Variants in TERT observed in about 807,000 individuals in gnomAD.
TERT encodes telomerase catalytic subunit.
In TERT, 42 loss-of-function variants were observed where a neutral mutation model predicts 104.0. The observed-to-expected ratio is 0.40, with a 90% CI of 0.32 to 0.52. The LOEUF (loss-of-function observed/expected upper bound fraction) is 0.52, where lower values mean the gene tolerates loss of function less well. TERT is among the 20% of genes least tolerant of loss of function. The pLI is 0.43. For synonymous variants in TERT, 781 were observed against 725.6 expected, an observed-to-expected ratio of 1.08 and a Z score of -1.23; for missense variants, 1,101 against 1,610.3, an observed-to-expected ratio of 0.68 and a Z score of 5.41.
At chr5:1,279,570 C>T (rs1362769217) in intron 4 of TERT, 100 bp from the exon 5 acceptor site, 3 of 1,209,942 alleles carry the variant, frequency 2.5e-6, no homozygotes, top group Admixed American at 2.0e-5. Flanking sequence ...CCCCAGTGTC[C>T]CCAGCCACCC....
chr5:1,277,968 GC>G (rs953658182), intron 6 of TERT, among the ~76,000 whole-genome samples: 5 of 152,186 alleles, frequency 3.3e-5, no homozygotes, highest in African/African-American at 1.2e-4. Context: ...GAGCCCCAAG[GC>G]CCCCGGCCGC....
chr5:1,271,062 G>T, intron 8 of TERT, 57 bp downstream of exon 8: 2 of 1,393,092 alleles, frequency 1.4e-6, no homozygotes, highest in Non-Finnish European at 2.0e-6. Flanking sequence ...GTGAGCAGAA[G>T]CCCTGCCAGC....
intron 6 of TERT, among the ~76,000 whole-genome samples, chr5:1,277,290 C>T (rs1263526919): frequency 6.6e-6 from 1 of 152,234 alleles, no homozygotes; most frequent in Non-Finnish European, 1.5e-5. Flanking sequence ...CCCTGGAATT[C>T]ACCCAGAGGC....
chr5:1,265,828 G>A lies in TERT; in HGVS notation c.2654+636C>T, dbSNP rs1748555304. Among the ~76,000 whole-genome samples the A allele has an allele frequency of 6.6e-6, 1 of 152,126 alleles. No individual in the cohort carries two copies. The highest frequency in any genetic ancestry group is 2.4e-5 in the African/African-American group (1 of 41,408). On this transcript the variant is annotated intron_variant, in intron 10 of 15. Transcript: ENST00000310581. The surrounding 1 kb of genome is among the most constrained non-coding windows in gnomAD (Gnocchi z 6.9). The stretch of plus-strand genomic sequence containing the variant: ...TTTAAAACAAGCCCACCGGCTCTGT[G>A]GGGCGCCCTTGAGGGGGACCACATT...
Position 1,266,474 on chromosome 5 carries a change from T to A in TERT, c.2644A>T (p.Thr882Ser), listed in dbSNP as rs1263276346. ...LVTPHLTHAK[T>S]FLRTLVRGVP... ...CGGCACGGGCCTCACCTGAGGAAGG[T>A]TTTCGCGTGGGTGAGGTGAGGTGTC... is the stretch of plus-strand genomic sequence containing the variant. The change falls in exon 10 of 16, where the codon ACC becomes TCC. Residue 882 changes from threonine (T) to serine (S), a missense_variant. Physicochemically the swap from Thr to Ser is moderately conservative, Grantham distance 58. Around this residue, in one of 5 missense-constraint regions of TERT, gnomAD observed 463 missense variants for 797.5 expected, o/e 0.58. Coordinates refer to ENST00000310581, the MANE Select transcript of TERT (RefSeq NM_198253.3). 1.2e-6 allele frequency: 2 copies of A among 1,608,450 alleles called. No individual in the cohort carries two copies. Among genetic ancestry groups the A allele is most frequent in the African/African-American group, 2.7e-5 (2 of 74,774 alleles).
intron 10 of TERT, 50 bp from the exon 11 acceptor site, chr5:1,264,642 G>A (rs773931981): frequency 1.9e-6 from 3 of 1,598,500 alleles, no homozygotes; most frequent in African/African-American, 2.7e-5. Context: ...CGTCACCCAG[G>A]AGGTAACCTG....
chr5:1,275,722 A>G (rs1032920215), intron 6 of TERT, among the ~76,000 whole-genome samples: 2 of 132,970 alleles, frequency 1.5e-5, no homozygotes, highest in African/African-American at 5.8e-5. Context: ...ATAAAAACCA[A>G]TCCCACAGAT....
rs776894859 is a variant in TERT, at chr5:1,268,482, C to T, written c.2582+38G>A. 3.9e-6 allele frequency: 6 copies of T among 1,537,166 alleles called. No homozygotes were observed. The highest frequency in any genetic ancestry group is 2.3e-5 in the South Asian group (2 of 88,338). On this transcript the variant is annotated intron_variant, in intron 9 of 15. Coordinates refer to ENST00000310581, the MANE Select transcript of TERT (RefSeq NM_198253.3). This position sits in a 1 kb window ranked among gnomAD's most constrained non-coding sequence, Gnocchi z 5.5. ...ACTGAATGCATCAAAAGCAAATCAACCCCCACCCAAGCCCCCCTGGGGAAG... is the reference window on the plus strand; with the variant it reads ...ACTGAATGCATCAAAAGCAAATCAATCCCCACCCAAGCCCCCCTGGGGAAG...
Position 1,293,606 on chromosome 5 carries a change from G to T in TERT, c.1280C>A (p.Ala427Asp). ...AAVTPAAGVC[A>D]REKPQGSVAA... is the part of the protein sequence containing the mutation. ...CACAGAGCCCTGGGGCTTCTCCCGG[G>T]CACAGACACCGGCTGCTGGGGTGAC... The change falls in exon 2 of 16, where the codon GCC becomes GAC. Residue 427 changes from alanine (A) to aspartate (D), a missense_variant. This residue lies in a region of TERT where 504 missense variants were observed against 544.6 expected (regional missense o/e 0.93). Transcript: ENST00000310581. 6.5e-7 allele frequency: 1 copy of T among 1,548,972 alleles called. No individual in the cohort carries two copies. The highest frequency in any genetic ancestry group is 8.7e-7 in the Non-Finnish European group (1 of 1,145,586).
intron 3 of TERT, among the ~76,000 whole-genome samples, 177 bp from the exon 4 acceptor site, chr5:1,280,515 C>A (rs868169015): frequency 2.0e-5 from 3 of 152,202 alleles, no homozygotes; most frequent in Non-Finnish European, 1.5e-5. Context: ...CCTCTGAGAG[C>A]CCCTCTACTT....
At position 1,294,268 on chromosome 5, in the gene TERT, G is replaced by A. The variant is rs759142412; in HGVS notation, c.618C>T (p.Ser206=). The stretch of plus-strand genomic sequence containing the variant: ...CCAGGGGGACCCCGGCCTCCCTGAC[G>A]CTATGGTTCCAGGCCCGTTCGCATC... ...RLGCERAWNH[S]VREAGVPLGL... The change falls in exon 2 of 16, where the codon AGC becomes AGT. Residue 206 remains serine (S), a synonymous_variant. Coordinates refer to ENST00000310581, the MANE Select transcript of TERT (RefSeq NM_198253.3). The A allele has an allele frequency of 2.6e-5, 41 of 1,593,116 alleles. No homozygotes were observed. The Admixed American group carries it at 6.6e-4, about 26-fold the overall frequency.
chr5:1,289,281 G>A (rs1750703256), intron 2 of TERT, among the ~76,000 whole-genome samples: 1 of 143,966 alleles, frequency 6.9e-6, no homozygotes. Context: ...ACCTGAGAGG[G>A]ACACCCAGGG....
In TERT at chr5:1,287,237, A is replaced by T. The variant is rs1329799081; in HGVS notation, c.1574-4613T>A. Among the ~76,000 whole-genome samples the T allele has an allele frequency of 6.6e-6, 1 of 152,154 alleles. No homozygotes were observed. The highest frequency in any genetic ancestry group is 1.5e-5 in the Non-Finnish European group (1 of 68,022). Reference sequence around the variant, plus strand: ...AAAATTAGGCCAGACATGGTGGCTCATGCCTGTAATTCAGCACTTTGGGAA... The same window carrying T: ...AAAATTAGGCCAGACATGGTGGCTCTTGCCTGTAATTCAGCACTTTGGGAA... On this transcript the variant is annotated intron_variant, in intron 2 of 15. Coordinates refer to ENST00000310581, the MANE Select transcript of TERT (RefSeq NM_198253.3). The surrounding 1 kb of genome is among the most constrained non-coding windows in gnomAD (Gnocchi z 4.3).
chr5:1,289,330 G>C (rs1249668366), intron 2 of TERT, among the ~76,000 whole-genome samples: 1 of 144,546 alleles, frequency 6.9e-6, no homozygotes, highest in African/African-American at 2.6e-5. Flanking sequence ...AGAGACACCC[G>C]GGGACAGTGC....
At position 1,253,719 on chromosome 5, in the gene TERT, G is replaced by A. The variant is rs374834138; in HGVS notation, c.*9C>T. 2.5e-5 allele frequency: 40 copies of A among 1,604,810 alleles called. No individual in the cohort carries two copies. The East Asian group carries it at 2.7e-4, about 11-fold the overall frequency. ...GTCTGCTCTCGGCCTGGCTGTGGGCGGGTGGCCATCAGTCCAGGATGGTCT... is the reference window on the plus strand; with the variant it reads ...GTCTGCTCTCGGCCTGGCTGTGGGCAGGTGGCCATCAGTCCAGGATGGTCT... On this transcript the variant is annotated 3_prime_UTR_variant, in exon 16 of 16. Coordinates refer to ENST00000310581, the MANE Select transcript of TERT (RefSeq NM_198253.3).
Position 1,264,611 on chromosome 5 carries a change from G to C in TERT, c.2655-19C>G. The C allele has an allele frequency of 6.2e-7, 1 of 1,613,394 alleles. No homozygotes were observed. Among genetic ancestry groups the C allele is most frequent in the Non-Finnish European group, 8.5e-7 (1 of 1,179,876 alleles). ...CAGGGTCCTAAGGCAGAGGGGCAAT[G>C]TCAGCCCCAGGATGCGGGGCCGTCA... On this transcript the variant is annotated intron_variant, in intron 10 of 15. Transcript: ENST00000310581.
intron 9 of TERT, among the ~76,000 whole-genome samples, chr5:1,267,840 G>A (rs1047039801): frequency 6.6e-6 from 1 of 152,164 alleles, no homozygotes; most frequent in African/African-American, 2.4e-5. Context: ...GTCATGGGAT[G>A]GGGGGAGTGG....
intron 2 of TERT, 167 bp from the exon 3 acceptor site, chr5:1,282,791 G>A (rs1750126200): frequency 2.8e-6 from 2 of 714,260 alleles, no homozygotes; most frequent in South Asian, 1.5e-5. Context: ...AGGGCCTGGC[G>A]ACCTCACCCT....
Position 1,279,332 on chromosome 5 carries a change from C to T in TERT, c.2089G>A (p.Val697Met). The T allele has an allele frequency of 2.5e-6, 4 of 1,585,730 alleles. No homozygotes were observed. Among genetic ancestry groups the T allele is most frequent in the African/African-American group, 1.3e-5 (1 of 74,454 alleles). Residue 697 changes from valine to methionine, a missense_variant, in exon 5 of 16, where the codon GTG (valine) becomes ATG (methionine). Val to Met is a conservative substitution (Grantham distance 21). Transcript: ENST00000310581. ...HRAWRTFVLR[V>M]RAQDPPPELY... Reference sequence around the variant, plus strand: ...TCAGGCGGCGGGTCCTGGGCCCGCACACGCAGCACGAAGGTGCGCCAGGCC... The same window carrying T: ...TCAGGCGGCGGGTCCTGGGCCCGCATACGCAGCACGAAGGTGCGCCAGGCC...
Sources: allele counts gnomAD v4.1 joint callset (sites outside exome capture counted in the v4.1 genomes callset), GRCh38; gene constraint gnomAD v4.1.1; regional missense constraint gnomAD v4.1.1; non-coding constraint Gnocchi (gnomAD v3.1); transcripts MANE v1.5; gene names NCBI Gene and HGNC (gene_info 2026-07-23, HGNC 2026-07-21).